TMEM132C: variants seen among roughly 807,000 people sequenced by gnomAD.
TMEM132C encodes protein phosphatase 1, regulatory subunit 152.
Under a neutral mutation model 61.4 loss-of-function variants are expected in TMEM132C, and 29 were observed. The observed-to-expected ratio is 0.47, with a 90% CI of 0.35 to 0.64. The LOEUF is 0.64. TMEM132C is among the 30% of genes least tolerant of loss of function. TMEM132C has a pLI of 0.00. For missense variants in TMEM132C, 1,408 were observed against 1,476.9 expected (o/e 0.95, Z 0.76); for synonymous variants, 656 against 633.1 (o/e 1.04, Z -0.54).
At chr12:128,352,595 C>T (rs1873373968) in intron 1 of TMEM132C, among the ~76,000 whole-genome samples, 1 of 152,184 alleles carries the variant, frequency 6.6e-6, no homozygotes, top group Admixed American at 6.5e-5. Context: ...GTCAGGTTGA[C>T]ACATAAAATC....
chr12:128,377,383 T>C (rs562498173), intron 1 of TMEM132C, among the ~76,000 whole-genome samples: 1 of 152,296 alleles, frequency 6.6e-6, no homozygotes, highest in Admixed American at 6.5e-5. Context: ...TACTTTTGAC[T>C]CTGTTTTTGC....
chr12:128,583,406 A>G lies in TMEM132C; in HGVS notation c.1122-32746A>G, dbSNP rs5801804. The stretch of plus-strand genomic sequence containing the variant: ...AGAATATTGGTCAAAAAAAAAAAAA[A>G]GCTTTACAAAAAAGAATTTTGAGCT... On this transcript the variant is annotated intron_variant, in intron 3 of 8. Coordinates refer to ENST00000435159, the MANE Select transcript of TMEM132C (RefSeq NM_001136103.3). Among the ~76,000 whole-genome samples, 1,083 of 149,898 alleles carry G rather than the reference A, an allele frequency of 7.2e-3. 7 individuals carry two copies. Among genetic ancestry groups the G allele is most frequent in the Middle Eastern group, 0.069 (20 of 288 alleles).
intron 2 of TMEM132C, among the ~76,000 whole-genome samples, chr12:128,514,778 G>A (rs955518974): frequency 2.0e-5 from 3 of 152,160 alleles, no homozygotes; most frequent in South Asian, 4.1e-4. Context: ...CATTTGACAC[G>A]TATTTACTGA....
intron 2 of TMEM132C, among the ~76,000 whole-genome samples, chr12:128,434,359 G>C (rs137967432): frequency 8.5e-4 from 130 of 152,250 alleles, no homozygotes; most frequent in Non-Finnish European, 1.4e-3. Context: ...GGAGTGCATT[G>C]GTGCGACCTC....
intron 1 of TMEM132C, among the ~76,000 whole-genome samples, chr12:128,340,922 C>T (rs1245513381): frequency 3.2e-4 from 42 of 132,322 alleles, no homozygotes; most frequent in African/African-American, 1.3e-3. Context: ...CTCTTTCTCT[C>T]TCTCTCTCTC....
At chr12:128,443,453 T>C (rs550550851) in intron 2 of TMEM132C, among the ~76,000 whole-genome samples, 2 of 152,330 alleles carry the variant, frequency 1.3e-5, no homozygotes, top group Middle Eastern at 3.4e-3. Flanking sequence ...AAAGCATACA[T>C]TTAAACATTT....
At chr12:128,607,594 A>G (rs1310429617) in intron 3 of TMEM132C, among the ~76,000 whole-genome samples, 1 of 152,126 alleles carries the variant, frequency 6.6e-6, no homozygotes, top group Admixed American at 6.5e-5. Flanking sequence ...CAGGTTCGGG[A>G]TATGTTTTCA....
intron 1 of TMEM132C, among the ~76,000 whole-genome samples, chr12:128,311,646 G>A (rs575713122): frequency 9.9e-5 from 15 of 152,274 alleles, no homozygotes; most frequent in East Asian, 3.9e-4. Flanking sequence ...TCTCTCCTTC[G>A]TGCAAGAAAC....
intron 1 of TMEM132C, among the ~76,000 whole-genome samples, chr12:128,276,631 T>C (rs1592993934): frequency 6.6e-6 from 1 of 152,304 alleles, no homozygotes; most frequent in South Asian, 2.1e-4. Context: ...TTCTCCCAAC[T>C]CTGCAGTTGA....
At chr12:128,494,333 G>T (rs1233062357) in intron 2 of TMEM132C, among the ~76,000 whole-genome samples, 2 of 152,196 alleles carry the variant, frequency 1.3e-5, no homozygotes, top group African/African-American at 4.8e-5. Context: ...TCTCTGCCAG[G>T]CTTTGCTATC....
chr12:128,346,679 T>C (rs2135958826), intron 1 of TMEM132C, among the ~76,000 whole-genome samples: 1 of 152,236 alleles, frequency 6.6e-6, no homozygotes, highest in South Asian at 2.1e-4. Context: ...TGGGAATAGG[T>C]TCCTGATTTG....
Position 128,632,002 on chromosome 12 carries a change from G to A in TMEM132C, c.1305+15667G>A, listed in dbSNP as rs1052493053. On this transcript the variant is annotated intron_variant, in intron 4 of 8. Transcript: ENST00000435159. ...AAAATAATTGGAGTGGGGATGGGGG[G>A]AAGGGGGGCTGACAAACCCCAATAG... Among the ~76,000 whole-genome samples, 13 of 152,292 alleles carry A rather than the reference G, an allele frequency of 8.5e-5. 1 individual carries two copies. Among genetic ancestry groups the A allele is most frequent in the Non-Finnish European group, 1.5e-4 (10 of 68,026 alleles).
rs73430847 is a variant in TMEM132C, at chr12:128,275,225, A to G, written c.85+7738A>G. On this transcript the variant is annotated intron_variant, in intron 1 of 8. Coordinates refer to ENST00000435159, the MANE Select transcript of TMEM132C (RefSeq NM_001136103.3). ...CCTATTAGGAACTAGGCTGCAGAGC[A>G]GGAGGTGAGTGATGGATAAGCGAGC... 4.0e-3 allele frequency among the ~76,000 whole-genome samples: 614 copies of G among 152,314 alleles called. 5 individuals are homozygous for G. The highest frequency in any genetic ancestry group is 0.014 in the African/African-American group (577 of 41,570).
At chr12:128,354,537 C>G (rs560273634) in intron 1 of TMEM132C, among the ~76,000 whole-genome samples, 1 of 151,460 alleles carries the variant, frequency 6.6e-6, no homozygotes, top group South Asian at 2.1e-4. Flanking sequence ...TTTGCCACTC[C>G]CTCCCCCACC....
intron 3 of TMEM132C, among the ~76,000 whole-genome samples, chr12:128,584,735 C>T (rs112112921): frequency 3.3e-4 from 50 of 152,300 alleles, no homozygotes; most frequent in African/African-American, 1.2e-3. Context: ...CCACATGGCC[C>T]CATCTGTGCA....
intron 8 of TMEM132C, among the ~76,000 whole-genome samples, chr12:128,702,084 G>C (rs1184039938): frequency 1.3e-5 from 2 of 151,816 alleles, no homozygotes; most frequent in East Asian, 3.9e-4. Flanking sequence ...ATTTTTTGTA[G>C]AGATGGGGTT....
intron 2 of TMEM132C, among the ~76,000 whole-genome samples, chr12:128,487,655 A>G (rs995210563): frequency 3.3e-5 from 5 of 151,448 alleles, no homozygotes; most frequent in Non-Finnish European, 7.4e-5. Flanking sequence ...ATGTATACAC[A>G]GGCACACACG....
chr12:128,659,874 A>G (rs993942044), intron 4 of TMEM132C, among the ~76,000 whole-genome samples: 43 of 152,142 alleles, frequency 2.8e-4, no homozygotes, highest in African/African-American at 8.7e-4. Flanking sequence ...CACAACCCCC[A>G]CTGGTGGGCT....
intron 1 of TMEM132C, among the ~76,000 whole-genome samples, chr12:128,281,123 CA>C (rs1247948505): frequency 3.3e-5 from 5 of 152,200 alleles, no homozygotes; most frequent in Admixed American, 1.3e-4. Flanking sequence ...GAACAGGAGA[CA>C]GCATGAAGAT....
Sources: allele counts gnomAD v4.1 joint callset (sites outside exome capture counted in the v4.1 genomes callset), GRCh38; gene constraint gnomAD v4.1.1; transcripts MANE v1.5; gene names NCBI Gene and HGNC (gene_info 2026-07-23, HGNC 2026-07-21).